SCARB2: variants seen among roughly 807,000 people sequenced by gnomAD.
SCARB2 encodes the protein lysosome membrane protein 2.
SCARB2 carries 29 observed loss-of-function variants against 58.6 expected under a neutral mutation model. The ratio of observed to expected loss-of-function variants is 0.49; its 90% CI spans 0.37 to 0.67. The LOEUF (loss-of-function observed/expected upper bound fraction) is 0.67. Ranked by LOEUF, SCARB2 falls within the 30% of genes least tolerant of loss-of-function variation. The pLI, the probability that SCARB2 is intolerant of heterozygous loss-of-function variation, is 0.00. For missense variants in SCARB2, 488 were observed against 578.5 expected (o/e 0.84, Z 1.60); for synonymous variants, 195 against 210.1 (o/e 0.93, Z 0.62).
At chr4:76,183,254 G>A (rs1732421236) in intron 2 of SCARB2, among the ~76,000 whole-genome samples, 1 of 152,142 alleles carries the variant, frequency 6.6e-6, no homozygotes, top group Non-Finnish European at 1.5e-5. Flanking sequence ...ATTCTGCAGT[G>A]TCCTCCAATT....
At chr4:76,205,312 A>G (rs1426707758) in intron 1 of SCARB2, among the ~76,000 whole-genome samples, 2 of 152,034 alleles carry the variant, frequency 1.3e-5, no homozygotes, top group Non-Finnish European at 2.9e-5. Context: ...GGTGACAGAG[A>G]GAAGCCCTAT....
chr4:76,201,287 T>C (rs1331961820), intron 1 of SCARB2, among the ~76,000 whole-genome samples: 1 of 152,220 alleles, frequency 6.6e-6, no homozygotes, highest in East Asian at 1.9e-4. Context: ...CTCTGAACTA[T>C]GTGTTTTCTC....
At chr4:76,179,176 C>A in intron 4 of SCARB2, 1 of 316,484 alleles carries the variant, frequency 3.2e-6, no homozygotes, top group South Asian at 3.0e-5. Flanking sequence ...GCCTCAGTCT[C>A]CTGAGTAGGT....
chr4:76,186,466 C>G (rs1732490078), intron 2 of SCARB2, among the ~76,000 whole-genome samples: 1 of 151,868 alleles, frequency 6.6e-6, no homozygotes, highest in Non-Finnish European at 1.5e-5. Context: ...GCAAGGGGAG[C>G]CAGCCAAAGG....
chr4:76,169,517 G>A (rs1732084811), intron 8 of SCARB2, among the ~76,000 whole-genome samples: 1 of 152,140 alleles, frequency 6.6e-6, no homozygotes, highest in Non-Finnish European at 1.5e-5. Context: ...TAACCTTATC[G>A]ATCTGTGTCC....
At chr4:76,233,496 C>G (rs1733527739) in intron 1 of SCARB2, among the ~76,000 whole-genome samples, 1 of 152,044 alleles carries the variant, frequency 6.6e-6, no homozygotes, top group Non-Finnish European at 1.5e-5. Flanking sequence ...CAGCTTTTAT[C>G]TTCCCTTAAA....
intron 1 of SCARB2, among the ~76,000 whole-genome samples, chr4:76,196,788 GCACACAATCCCTCCTGCACTTTC>G (rs2109961685): frequency 6.6e-6 from 1 of 152,318 alleles, no homozygotes; most frequent in Non-Finnish European, 1.5e-5. Context: ...ACTGCACTCT[GCACACAATCCCTCCTGCACTTTC>G]CACCCCTGTT....
chr4:76,179,163 C>A, intron 4 of SCARB2: 1 of 287,488 alleles, frequency 3.5e-6, no homozygotes, highest in South Asian at 3.6e-5. Context: ...ATGCAACTTA[C>A]CTGCCTCAGT....
chr4:76,213,230 G>A, intron 1 of SCARB2, 197 bp downstream of exon 1: 1 of 630,770 alleles, frequency 1.6e-6, no homozygotes, highest in Non-Finnish European at 2.9e-6. Context: ...TCACTGTAAA[G>A]GGAACAGAGT....
At chr4:76,233,998 T>C (rs1733537975) in intron 1 of SCARB2, among the ~76,000 whole-genome samples, 1 of 152,216 alleles carries the variant, frequency 6.6e-6, no homozygotes, top group African/African-American at 2.4e-5. Context: ...ATTCAAGTGG[T>C]TCCTTCACCA....
At chr4:76,190,554 C>A (rs895352312) in intron 2 of SCARB2, among the ~76,000 whole-genome samples, 2 of 151,554 alleles carry the variant, frequency 1.3e-5, no homozygotes, top group South Asian at 2.1e-4. Context: ...GAGGCCAAGG[C>A]GGGTGGATCA....
At chr4:76,162,984 C>T (rs1458223197) in intron 11 of SCARB2, 2 of 612,244 alleles carry the variant, frequency 3.3e-6, no homozygotes, top group African/African-American at 1.8e-5. Flanking sequence ...CCAGGGGATA[C>T]ATCCAAAGAG....
chr4:76,222,418 G>C (rs1249247063), intron 1 of SCARB2, among the ~76,000 whole-genome samples: 1 of 152,040 alleles, frequency 6.6e-6, no homozygotes, highest in Non-Finnish European at 1.5e-5. Context: ...AGTACAGACG[G>C]GGTTTCACCA....
chr4:76,164,637 GA>G (rs11343804), intron 10 of SCARB2: 32,715 of 134,608 alleles, frequency 0.24, 4,458 homozygotes, highest in African/African-American at 0.42. Flanking sequence ...TCCATCTCAG[GA>G]AAAAAAAAAA....
At chr4:76,231,292 G>T (rs1312512799) in intron 1 of SCARB2, among the ~76,000 whole-genome samples, 1 of 152,070 alleles carries the variant, frequency 6.6e-6, no homozygotes, top group Non-Finnish European at 1.5e-5. Flanking sequence ...ACCTGGCAGG[G>T]TTTTCAGGAT....
At chr4:76,216,006 C>A (rs893273387), upstream of SCARB2, among the ~76,000 whole-genome samples, 4 of 152,194 alleles carry the variant, frequency 2.6e-5, no homozygotes, top group Non-Finnish European at 5.9e-5. Flanking sequence ...GCTACCAAAG[C>A]TCTTCAAGCA....
rs1475764296 is a variant in SCARB2 at position 76,160,165 on chromosome 4, A to C, written c.*1548T>G. On this transcript the variant is annotated 3_prime_UTR_variant, in exon 12 of 12. Transcript: ENST00000264896. ...GTAGAAAAAGGAAAAATTGTCAGTA[A>C]AACAATTTATTACCTCAATACAGGG... The C allele has an allele frequency of 6.6e-6, 1 of 152,212 alleles. No individual in the cohort carries two copies. Among genetic ancestry groups the C allele is most frequent in the Admixed American group, 6.5e-5 (1 of 15,282 alleles). 9.4% of individuals were successfully genotyped at this position (152,212 alleles called of 1,614,324 possible). A position where few individuals can be genotyped will look rare whatever the true frequency, so the allele number is the denominator to read the frequency against.
chr4:76,198,332 T>C (rs1732756251), intron 1 of SCARB2, among the ~76,000 whole-genome samples: 1 of 152,246 alleles, frequency 6.6e-6, no homozygotes, highest in Non-Finnish European at 1.5e-5. Flanking sequence ...CTTGCTGGGC[T>C]GGCATCCAGC....
At chr4:76,169,341 C>CACACACACACACACAT (rs3217498) in intron 8 of SCARB2, among the ~76,000 whole-genome samples, 2 of 151,126 alleles carry the variant, frequency 1.3e-5, no homozygotes, top group African/African-American at 4.9e-5. Flanking sequence ...CACACACACA[C>CACACACACACACACAT]GTGTGTATGT....
Sources: allele counts gnomAD v4.1 joint callset (sites outside exome capture counted in the v4.1 genomes callset), GRCh38; gene constraint gnomAD v4.1.1; transcripts MANE v1.5; gene names NCBI Gene and HGNC (gene_info 2026-07-23, HGNC 2026-07-21).